Variants in CA1 observed in about 807,000 individuals in gnomAD.
CA1 encodes carbonic anhydrase 1.
A neutral mutation model predicts 28.8 loss-of-function variants in CA1; 27 were observed. The observed-to-expected ratio is 0.94, with a 90% confidence interval of 0.69 to 1.29. The LOEUF (loss-of-function observed/expected upper bound fraction) is 1.29, where lower values mean the gene tolerates loss of function less well. CA1 is among the 50% of genes most tolerant of loss of function. The pLI is 0.00. For synonymous variants in CA1, 121 were observed against 108.8 expected (o/e 1.11, Z -0.70); for missense variants, 335 against 310.5 (o/e 1.08, Z -0.59).
At chr8:85,334,138 T>C (rs919073760) in intron 4 of CA1, among the ~76,000 whole-genome samples, 3 of 152,234 alleles carry the variant, frequency 2.0e-5, no homozygotes, top group African/African-American at 7.2e-5. Context: ...TATGTATATA[T>C]GTATTCTTGA....
Position 85,337,523 on chromosome 8 carries a change from A to T in CA1, c.236-460T>A, listed in dbSNP as rs560100655. Among the ~76,000 whole-genome samples, 4 of 152,290 alleles carry T rather than the reference A, an allele frequency of 2.6e-5. No individual in the cohort carries two copies. In the East Asian group the frequency reaches 7.7e-4, roughly 29 times the overall value. On this transcript the variant is annotated intron_variant, in intron 3 of 7. Coordinates refer to ENST00000523022, the MANE Select transcript of CA1 (RefSeq NM_001128831.4). ...TGAAGACACAAAAGTATATCTTGAC[A>T]GCTTTGTTGAGAATCCCTGGCCAGG...
intron 1 of CA1, among the ~76,000 whole-genome samples, chr8:85,354,032 C>T (rs1256174129): frequency 1.3e-5 from 2 of 151,728 alleles, no homozygotes; most frequent in African/African-American, 4.8e-5. Context: ...ATGTGGATCT[C>T]GGCTCACTGC....
chr8:85,342,146 A>G (rs1333245410), intron 1 of CA1, among the ~76,000 whole-genome samples: 1 of 152,248 alleles, frequency 6.6e-6, no homozygotes. Context: ...TAATTAAATT[A>G]CTAATCATTT....
chr8:85,335,256 A>G (rs150738562), intron 4 of CA1, among the ~76,000 whole-genome samples: 87 of 152,184 alleles, frequency 5.7e-4, no homozygotes, highest in African/African-American at 1.8e-3. Context: ...ATTTATGCCT[A>G]TACTTCCCTG....
Position 85,328,559 on chromosome 8 carries a change from AT to A in CA1, c.786del (p.Ter262CysfsTer22), listed in dbSNP as rs771203200. The stretch of plus-strand genomic sequence containing the variant: ...GAAGGACAAGTTTCTTCTCAGAATC[AT>A]CAAAATGAAGCTCTCACTGTTCTGC... ...LKGRTVRASF[*>X] is the part of the protein sequence containing the mutation. On this transcript the variant is annotated frameshift_variant and stop_lost, in exon 8 of 8. Coordinates refer to ENST00000523022, the MANE Select transcript of CA1 (RefSeq NM_001128831.4). LOFTEE classifies it high-confidence loss of function. 1.8e-5 allele frequency: 28 copies of A among 1,565,514 alleles called. No individual in the cohort carries two copies. Among genetic ancestry groups the A allele is most frequent in the Non-Finnish European group, 2.5e-5 (28 of 1,136,610 alleles).
At chr8:85,360,046 G>C (rs1809736144) in intron 1 of CA1, among the ~76,000 whole-genome samples, 1 of 152,160 alleles carries the variant, frequency 6.6e-6, no homozygotes, top group Non-Finnish European at 1.5e-5. Context: ...GCAAGCTATG[G>C]ACATATAGAA....
At chr8:85,330,571 A>G (rs1010613226) in intron 6 of CA1, among the ~76,000 whole-genome samples, 7 of 152,168 alleles carry the variant, frequency 4.6e-5, no homozygotes, top group African/African-American at 4.8e-5. Context: ...GTGTTTCACT[A>G]TGAAGTTAAA....
chr8:85,340,686 C>T (rs1262597721), intron 2 of CA1, among the ~76,000 whole-genome samples: 1 of 152,188 alleles, frequency 6.6e-6, no homozygotes, highest in African/African-American at 2.4e-5. Flanking sequence ...TCTGCATGAA[C>T]ATTTGTAATT....
intron 1 of CA1, among the ~76,000 whole-genome samples, chr8:85,368,535 G>GTT (rs369913435): frequency 6.8e-6 from 1 of 147,016 alleles, no homozygotes; most frequent in Non-Finnish European, 1.5e-5. Flanking sequence ...ATATGGAGGT[G>GTT]TTTTTTTTTT....
chr8:85,333,708 T>C (rs369926963), intron 4 of CA1, 88 bp from the exon 5 acceptor site: 8 of 844,456 alleles, frequency 9.5e-6, no homozygotes, highest in East Asian at 8.1e-5. Flanking sequence ...CATATGATGA[T>C]GTATCTTGGC....
At chr8:85,338,079 T>C (rs1427523028) in intron 3 of CA1, 173 bp downstream of exon 3, 1 of 712,642 alleles carries the variant, frequency 1.4e-6, no homozygotes, top group Non-Finnish European at 2.6e-6. Flanking sequence ...GTTCCAAAAA[T>C]TGTCTTTACC....
At position 85,355,485 on chromosome 8, in the gene CA1, C is replaced by T. The variant is rs117940718; in HGVS notation, c.-24-13826G>A. Among the ~76,000 whole-genome samples, 852 of 151,426 alleles carry T rather than the reference C, an allele frequency of 5.6e-3. 57 individuals are homozygous for T. In the East Asian group the frequency reaches 0.13, roughly 24 times the overall value. ...GCAGCATCCAGGTCCTGGGCTCTAGCGATCCTCCCACCTCAGCCTCCCAAG... is the reference window on the plus strand; with the variant it reads ...GCAGCATCCAGGTCCTGGGCTCTAGTGATCCTCCCACCTCAGCCTCCCAAG... On this transcript the variant is annotated intron_variant, in intron 1 of 7. Coordinates refer to ENST00000523022, the MANE Select transcript of CA1 (RefSeq NM_001128831.4).
chr8:85,337,874 G>A, intron 3 of CA1: 2 of 345,462 alleles, frequency 5.8e-6, no homozygotes, highest in Non-Finnish European at 1.1e-5. Flanking sequence ...CTTTTCTACT[G>A]TGCTCATTCA....
intron 3 of CA1, chr8:85,338,014 G>A (rs879192347): frequency 3.8e-5 from 25 of 653,782 alleles, no homozygotes; most frequent in South Asian, 3.1e-4. Context: ...CTGGAATGAC[G>A]AGAAGAGACG....
chr8:85,376,080 C>A (rs1810404952), intron 1 of CA1, among the ~76,000 whole-genome samples: 1 of 152,160 alleles, frequency 6.6e-6, no homozygotes, highest in Admixed American at 6.5e-5. Flanking sequence ...CCTTTAATCC[C>A]AGTACTTTGG....
intron 6 of CA1, 50 bp downstream of exon 6, chr8:85,332,440 A>G: frequency 7.3e-7 from 1 of 1,377,532 alleles, no homozygotes; most frequent in Non-Finnish European, 1.0e-6. Flanking sequence ...ATTTCCATAG[A>G]TCTGTAAATT....
chr8:85,341,538 T>G, intron 2 of CA1, 61 bp downstream of exon 2: 1 of 1,009,304 alleles, frequency 9.9e-7, no homozygotes, highest in Admixed American at 1.7e-5. Context: ...ACTTAATATC[T>G]TTTCTGTTGG....
intron 1 of CA1, 33 bp from the exon 2 acceptor site, chr8:85,341,692 C>G: frequency 8.5e-7 from 1 of 1,173,636 alleles, no homozygotes; most frequent in Non-Finnish European, 1.3e-6. Flanking sequence ...GAATAACTAA[C>G]TGCAACTGTG....
chr8:85,341,324 C>G (rs571388782), intron 2 of CA1: 114 of 309,920 alleles, frequency 3.7e-4, no homozygotes, highest in Admixed American at 1.2e-3. Context: ...ATGTGACTTG[C>G]TTTCTTGTGA....
Sources: allele counts gnomAD v4.1 joint callset (sites outside exome capture counted in the v4.1 genomes callset), GRCh38; gene constraint gnomAD v4.1.1; transcripts MANE v1.5; gene names NCBI Gene and HGNC (gene_info 2026-07-23, HGNC 2026-07-21).